IGF2R: variants seen among roughly 807,000 people sequenced by gnomAD.
IGF2R encodes insulin like growth factor 2 receptor, also known as cation-independent mannose-6-phosphate receptor.
Under a neutral mutation model 270.6 loss-of-function variants are expected in IGF2R, and 91 were observed. The observed-to-expected ratio is 0.34, with a 90% CI of 0.28 to 0.40. IGF2R has a LOEUF of 0.40. Among genes scored for constraint, IGF2R ranks in the 10% least tolerant of loss-of-function variants. The probability of loss-of-function intolerance (pLI) is 1.00; values close to 1 mark genes in which losing one functional copy is unlikely to be tolerated. For synonymous variants in IGF2R, 1,316 were observed against 1,258.9 expected, an observed-to-expected ratio of 1.05 and a Z score of -0.96; for missense variants, 2,805 against 3,188.3, an observed-to-expected ratio of 0.88 and a Z score of 2.90.
chr6:160,093,977 G>T (rs908604766), intron 44 of IGF2R: 7 of 675,676 alleles, frequency 1.0e-5, no homozygotes, highest in African/African-American at 8.9e-5. Context: ...CAGAAAATGA[G>T]CATCTGATTT....
chr6:160,048,538 G>C lies in IGF2R; in HGVS notation c.2509G>C (p.Asp837His), dbSNP rs1295675297. The C allele has an allele frequency of 6.2e-7, 1 of 1,613,414 alleles. No homozygotes were observed. The highest frequency in any genetic ancestry group is 8.5e-7 in the Non-Finnish European group (1 of 1,179,836). Residue 837 changes from aspartate to histidine, a missense_variant, in exon 18 of 48, where the codon GAT becomes CAT. By Grantham distance (81) the Asp-to-His change is moderately conservative. This residue lies in a region of IGF2R where 1,851 missense variants were observed against 2,207.2 expected (regional missense o/e 0.84). Coordinates refer to ENST00000356956, the MANE Select transcript of IGF2R (RefSeq NM_000876.4). Reference protein sequence around the residue: ...ASACQMKYEKDQGSFTEVVSI... With the variant: ...ASACQMKYEKHQGSFTEVVSI... ...GGCTTGCCAGATGAAGTATGAAAAA[G>C]ATCAGGTGAATCTGTTTTCACTGCT...
intron 31 of IGF2R, 121 bp downstream of exon 31, chr6:160,070,179 C>A: frequency 1.1e-6 from 1 of 944,660 alleles, no homozygotes; most frequent in Non-Finnish European, 1.6e-6. Context: ...TGGGATGATG[C>A]GCCCTTACCA....
At chr6:160,081,460 T>C (rs958307178) in intron 39 of IGF2R, among the ~76,000 whole-genome samples, 4 of 152,120 alleles carry the variant, frequency 2.6e-5, no homozygotes, top group African/African-American at 9.7e-5. Flanking sequence ...CAGGGCAGGA[T>C]CACAAGGTCA....
intron 9 of IGF2R, among the ~76,000 whole-genome samples, chr6:160,033,475 A>T (rs540770001): frequency 1.3e-5 from 2 of 152,246 alleles, no homozygotes; most frequent in African/African-American, 4.8e-5. Flanking sequence ...CTTGTGAAAC[A>T]TAACTCCCTC....
chr6:160,058,003 C>G lies in IGF2R; in HGVS notation c.2797-20C>G. ...AATTGGTTTGAATGCGCCCCTTTTTCCCCATTTTGTTTCCTGTAGGCTTGC... is the reference window on the plus strand; with the variant it reads ...AATTGGTTTGAATGCGCCCCTTTTTGCCCATTTTGTTTCCTGTAGGCTTGC... On this transcript the variant is annotated intron_variant, in intron 20 of 47. Coordinates refer to ENST00000356956, the MANE Select transcript of IGF2R (RefSeq NM_000876.4). 6.5e-7 allele frequency: 1 copy of G among 1,530,552 alleles called. No homozygotes were observed. The allele number at this position is 1,530,552 out of a possible 1,614,324, so 94.8% of individuals were successfully genotyped here. A position where few individuals can be genotyped will look rare whatever the true frequency, so the allele number is the denominator to read the frequency against.
chr6:160,064,409 A>G lies in IGF2R; in HGVS notation c.3895A>G (p.Thr1299Ala). The G allele has an allele frequency of 2.5e-6, 4 of 1,614,120 alleles. No individual in the cohort carries two copies. The highest frequency in any genetic ancestry group is 3.4e-6 in the Non-Finnish European group (4 of 1,180,022). ...GTTCTCCTTCTTTACAGGTCTCCTGACTCAGAAGCTAACTTATGAAAATGG... is the reference window on the plus strand; with the variant it reads ...GTTCTCCTTCTTTACAGGTCTCCTGGCTCAGAAGCTAACTTATGAAAATGG... ...QGFHKVAGLL[T>A]QKLTYENGLL... Residue 1299 changes from threonine to alanine, a missense_variant, in exon 28 of 48, where the codon ACT (threonine) becomes GCT (alanine). Physicochemically the swap from Thr to Ala is moderately conservative, Grantham distance 58. Transcript: ENST00000356956.
chr6:160,078,157 C>G (rs1268687268), intron 36 of IGF2R, 44 bp from the exon 37 acceptor site: 2 of 1,604,430 alleles, frequency 1.2e-6, no homozygotes, highest in Admixed American at 3.3e-5. Context: ...CTATCTATCC[C>G]TATGCCATGG....
intron 19 of IGF2R, among the ~76,000 whole-genome samples, chr6:160,052,803 G>T (rs1204375102): frequency 6.6e-6 from 1 of 152,102 alleles, no homozygotes; most frequent in Non-Finnish European, 1.5e-5. Flanking sequence ...TCTGATCTTT[G>T]ACAAACCTGA....
At chr6:160,041,184 C>T (rs540077231) in intron 11 of IGF2R, among the ~76,000 whole-genome samples, 5 of 152,046 alleles carry the variant, frequency 3.3e-5, no homozygotes, top group Admixed American at 6.6e-5. Flanking sequence ...CCTTGGGGGC[C>T]TGGAATTTAG....
At chr6:160,067,575 AC>A (rs1045312968) in intron 29 of IGF2R, among the ~76,000 whole-genome samples, 1 of 152,030 alleles carries the variant, frequency 6.6e-6, no homozygotes, top group African/African-American at 2.4e-5. Context: ...TGAATGAATG[AC>A]CAGTTTTTAT....
intron 4 of IGF2R, among the ~76,000 whole-genome samples, chr6:160,016,356 A>C (rs560807936): frequency 3.9e-4 from 60 of 152,158 alleles, no homozygotes; most frequent in Non-Finnish European, 7.2e-4. Flanking sequence ...GAGCCTGAAT[A>C]TGTGCTTGCC....
intron 2 of IGF2R, among the ~76,000 whole-genome samples, chr6:160,002,076 T>C (rs897488546): frequency 3.9e-5 from 6 of 152,118 alleles, no homozygotes; most frequent in African/African-American, 1.4e-4. Context: ...TACAATAAAG[T>C]AAGCTAAAGG....
At chr6:160,093,846 T>A (rs1022533224) in intron 44 of IGF2R, 10 of 730,062 alleles carry the variant, frequency 1.4e-5, no homozygotes, top group Admixed American at 7.0e-5. Context: ...CAAATAAATA[T>A]CTCAGATAAG....
chr6:160,083,423 G>A (rs896982989), intron 39 of IGF2R, among the ~76,000 whole-genome samples: 9 of 152,204 alleles, frequency 5.9e-5, no homozygotes, highest in Non-Finnish European at 1.3e-4. Context: ...GCAGGAGAAA[G>A]TGGCCTTCCT....
chr6:160,047,643 T>G, intron 16 of IGF2R, 149 bp from the exon 17 acceptor site: 1 of 641,494 alleles, frequency 1.6e-6, no homozygotes, highest in Non-Finnish European at 2.8e-6. Flanking sequence ...GACAGTCTTC[T>G]TTTTAATAAA....
At chr6:160,032,178 C>T (rs781713367) in intron 7 of IGF2R, among the ~76,000 whole-genome samples, 14 of 152,166 alleles carry the variant, frequency 9.2e-5, no homozygotes, top group East Asian at 7.7e-4. Flanking sequence ...GCACCCTGCA[C>T]GGCCTGTTAG....
At chr6:159,993,985 ATTTTTTTTTTT>A (rs59369382) in intron 2 of IGF2R, among the ~76,000 whole-genome samples, 3 of 61,040 alleles carry the variant, frequency 4.9e-5, no homozygotes, top group African/African-American at 6.4e-5. Context: ...CTCCAACTTG[ATTTTTTTTTTT>A]TTTTTTTTTT....
intron 39 of IGF2R, among the ~76,000 whole-genome samples, chr6:160,080,961 CAA>C (rs35843483): frequency 6.0e-4 from 83 of 137,418 alleles, no homozygotes; most frequent in Middle Eastern, 3.7e-3. Context: ...ACTAAAAATA[CAA>C]AAAAAAAAAA....
chr6:160,081,626 A>G (rs965974760), intron 39 of IGF2R, among the ~76,000 whole-genome samples: 1 of 152,228 alleles, frequency 6.6e-6, no homozygotes, highest in Non-Finnish European at 1.5e-5. Context: ...GGCGTGTTTC[A>G]TCCCTTATCT....
Sources: gnomAD v4.1 joint callset for allele counts (sites outside exome capture counted in the v4.1 genomes callset) on GRCh38, gnomAD v4.1.1 for gene constraint, gnomAD v4.1.1 regional missense constraint, MANE v1.5 for transcripts, NCBI Gene and HGNC (gene_info 2026-07-23, HGNC 2026-07-21) for gene names.